The following ERCC6L2 variants were observed in gnomAD, a reference collection of about 807,000 sequenced individuals.
ERCC6L2 encodes the protein DNA excision repair protein ERCC-6-like 2.
ERCC6L2 carries 77 observed loss-of-function variants against 132.0 expected under a neutral mutation model. The observed-to-expected ratio is 0.58, with a 90% confidence interval of 0.49 to 0.71. The LOEUF is 0.71. ERCC6L2 is among the 30% of genes least tolerant of loss of function. The pLI is 0.00. For missense variants in ERCC6L2, 1,542 were observed against 1,837.6 expected (o/e 0.84, Z 2.94); for synonymous variants, 583 against 632.4 (o/e 0.92, Z 1.17).
intron 6 of ERCC6L2, among the ~76,000 whole-genome samples, chr9:95,917,155 A>T (rs1225207360): frequency 2.0e-5 from 3 of 152,324 alleles, no homozygotes; most frequent in East Asian, 1.9e-4. Context: ...AGAGCTTTTT[A>T]AAAAATATAT....
At chr9:95,928,017 A>T in intron 9 of ERCC6L2, 62 bp from the exon 10 acceptor site, 1 of 1,047,580 alleles carries the variant, frequency 9.5e-7, no homozygotes, top group East Asian at 2.4e-5. Flanking sequence ...AGTGATGTTT[A>T]TATGTATAAA....
At chr9:95,931,599 A>G (rs1017804336) in intron 11 of ERCC6L2, among the ~76,000 whole-genome samples, 3 of 152,214 alleles carry the variant, frequency 2.0e-5, no homozygotes, top group Non-Finnish European at 2.9e-5. Flanking sequence ...GTCCAACTAT[A>G]TAATTCTAAA....
At chr9:95,946,297 C>T (rs1011494238) in intron 12 of ERCC6L2, among the ~76,000 whole-genome samples, 3 of 152,032 alleles carry the variant, frequency 2.0e-5, no homozygotes, top group Non-Finnish European at 2.9e-5. Flanking sequence ...GGGAGGCCAA[C>T]GTGGGCGGAT....
chr9:95,948,535 C>T (rs1306816973), intron 12 of ERCC6L2, among the ~76,000 whole-genome samples: 1 of 151,608 alleles, frequency 6.6e-6, no homozygotes, highest in Non-Finnish European at 1.5e-5. Flanking sequence ...TGCCTGTGGT[C>T]CCAGCTACTC....
intron 1 of ERCC6L2, among the ~76,000 whole-genome samples, chr9:95,879,994 A>G (rs1409619112): frequency 2.0e-5 from 3 of 152,182 alleles, no homozygotes; most frequent in Non-Finnish European, 4.4e-5. Flanking sequence ...AATTGTACCA[A>G]TAGTATACTG....
intron 16 of ERCC6L2, among the ~76,000 whole-genome samples, chr9:95,973,604 A>G (rs609296): frequency 0.29 from 43,994 of 151,852 alleles, 6,666 homozygotes; most frequent in East Asian, 0.41. Context: ...ACTCCTCTTT[A>G]TAACACCATC....
At chr9:95,984,129 A>G (rs1386330174) in intron 17 of ERCC6L2, among the ~76,000 whole-genome samples, 1 of 150,646 alleles carries the variant, frequency 6.6e-6, no homozygotes, top group East Asian at 1.9e-4. Context: ...ATATGTTTAT[A>G]CATATATGTA....
intron 13 of ERCC6L2, among the ~76,000 whole-genome samples, chr9:95,956,646 G>A (rs1831617031): frequency 6.6e-6 from 1 of 152,120 alleles, no homozygotes. Flanking sequence ...CTTCTTCACA[G>A]GATGGCAGGA....
chr9:95,942,279 G>T (rs1382658292), intron 12 of ERCC6L2, among the ~76,000 whole-genome samples: 3 of 152,094 alleles, frequency 2.0e-5, no homozygotes, highest in African/African-American at 4.8e-5. Flanking sequence ...TTCCAGTGAT[G>T]CACCTAGTCG....
rs762526541 is a variant in ERCC6L2 at position 96,012,547 on chromosome 9, A to G, written c.3997A>G (p.Lys1333Glu). 2.9e-6 allele frequency: 4 copies of G among 1,367,448 alleles called. No homozygotes were observed. In the East Asian group the frequency reaches 1.8e-4, roughly 62 times the overall value. The allele number at this position is 1,367,448 out of a possible 1,614,324, so 84.7% of individuals were successfully genotyped here. ...TCAAGTTTGCAGCCTAAAAACATAT[A>G]AAAGAAAATCAGTTAAGTTTCAGAA... ...ISQVCSLKTY[K>E]RKSVKFQNHI... The change falls in exon 19 of 19, where the codon AAA (lysine) becomes GAA (glutamate). Residue 1333 changes from lysine to glutamate, a missense_variant. By Grantham distance (56) the Lys-to-Glu change is moderately conservative. Coordinates refer to ENST00000653738, the MANE Select transcript of ERCC6L2 (RefSeq NM_020207.7).
intron 2 of ERCC6L2, among the ~76,000 whole-genome samples, chr9:95,896,370 C>T (rs554964991): frequency 6.8e-6 from 1 of 147,062 alleles, no homozygotes; most frequent in African/African-American, 2.5e-5. Context: ...AGCTACTTGT[C>T]TATTTGTTTT....
chr9:95,914,452 C>A (rs1464264869), intron 4 of ERCC6L2, among the ~76,000 whole-genome samples: 1 of 152,044 alleles, frequency 6.6e-6, no homozygotes, highest in Admixed American at 6.6e-5. Flanking sequence ...CTCCCTGGTT[C>A]AAGTGATTCT....
At chr9:95,936,204 A>G (rs1830545594) in intron 11 of ERCC6L2, among the ~76,000 whole-genome samples, 2 of 152,232 alleles carry the variant, frequency 1.3e-5, no homozygotes, top group Admixed American at 6.5e-5. Context: ...GAAGAAGTCT[A>G]TAGTGATACT....
rs575030043 is a variant in ERCC6L2, at chr9:95,909,786, A to G, written c.788+2515A>G. ...ATTTGTATGTAAGCCTTTTTTGGAC[A>G]TATGTTTTCATTTCTCTTGGAGTAG... On this transcript the variant is annotated intron_variant, in intron 4 of 18. Transcript: ENST00000653738. 3.9e-5 allele frequency among the ~76,000 whole-genome samples: 6 copies of G among 152,158 alleles called. No homozygotes were observed. In the East Asian group the frequency reaches 5.8e-4, roughly 15 times the overall value.
At chr9:95,881,352 A>G in intron 2 of ERCC6L2, 59 bp downstream of exon 2, 1 of 1,296,424 alleles carries the variant, frequency 7.7e-7, no homozygotes. Flanking sequence ...TGGATACTAT[A>G]TGTAAATCTT....
At position 95,895,993 on chromosome 9, in the gene ERCC6L2, T is replaced by C. The variant is rs542998047; in HGVS notation, c.472-1856T>C. Reference sequence around the variant, plus strand: ...CACCCACCTTGGCCTCCCAAAGTGCTGGGATTACAGGCTGTCATAGCTTTT... The same window carrying C: ...CACCCACCTTGGCCTCCCAAAGTGCCGGGATTACAGGCTGTCATAGCTTTT... On this transcript the variant is annotated intron_variant, in intron 2 of 18. Coordinates refer to ENST00000653738, the MANE Select transcript of ERCC6L2 (RefSeq NM_020207.7). Among the ~76,000 whole-genome samples the C allele has an allele frequency of 1.8e-3, 272 of 152,354 alleles. 2 individuals are homozygous for C. Among genetic ancestry groups the C allele is most frequent in the Non-Finnish European group, 2.4e-3 (161 of 68,036 alleles).
chr9:95,925,420 T>G (rs1251104957), intron 9 of ERCC6L2, among the ~76,000 whole-genome samples: 1 of 152,192 alleles, frequency 6.6e-6, no homozygotes, highest in Admixed American at 6.5e-5. Flanking sequence ...TGAGGAAAGT[T>G]AAGATCCAAG....
In ERCC6L2 at chr9:96,013,250, T is replaced by G; in HGVS notation, c.*47T>G. 1 of 1,289,972 alleles carries G rather than the reference T, an allele frequency of 7.8e-7. No individual in the cohort carries two copies. Among genetic ancestry groups the G allele is most frequent in the Non-Finnish European group, 1.0e-6 (1 of 983,140 alleles). The allele number at this position is 1,289,972 out of a possible 1,614,324, so 79.9% of individuals were successfully genotyped here. The stretch of plus-strand genomic sequence containing the variant: ...CCAGTAAACTGCTGCCATCACTGTT[T>G]ACGGCACTGGATTCCACACTGATTC... On this transcript the variant is annotated 3_prime_UTR_variant, in exon 19 of 19. Transcript: ENST00000653738.
intron 19 of ERCC6L2, among the ~76,000 whole-genome samples, chr9:96,029,038 C>G (rs1740864427): frequency 6.6e-6 from 1 of 152,018 alleles, no homozygotes; most frequent in Non-Finnish European, 1.5e-5. Flanking sequence ...GGCGCGGTGG[C>G]TCAGGCCTGT....
Sources: gnomAD v4.1 joint callset for allele counts (sites outside exome capture counted in the v4.1 genomes callset) on GRCh38, gnomAD v4.1.1 for gene constraint, MANE v1.5 for transcripts, NCBI Gene and HGNC (gene_info 2026-07-23, HGNC 2026-07-21) for gene names.